Variants in KIAA1328 observed in about 807,000 individuals in gnomAD.
The protein encoded by KIAA1328 is protein hinderin.
Under a neutral mutation model 68.1 loss-of-function variants are expected in KIAA1328, and 52 were observed. The ratio of observed to expected loss-of-function variants is 0.76; its 90% confidence interval spans 0.61 to 0.96. The LOEUF is 0.96. KIAA1328 is among the 40% of genes least tolerant of loss of function. The pLI is 0.00. For synonymous variants in KIAA1328, 232 were observed against 239.4 expected (o/e 0.97, Z 0.28); for missense variants, 641 against 677.6 (o/e 0.95, Z 0.60).
intron 7 of KIAA1328, among the ~76,000 whole-genome samples, chr18:37,108,047 A>G (rs2057823515): frequency 6.6e-6 from 1 of 152,132 alleles, no homozygotes; most frequent in South Asian, 2.1e-4. Context: ...GAAATAAATC[A>G]TCCTGCCAAA....
At chr18:37,168,199 T>G (rs1404580465) in intron 8 of KIAA1328, among the ~76,000 whole-genome samples, 2 of 152,228 alleles carry the variant, frequency 1.3e-5, no homozygotes, top group African/African-American at 2.4e-5. Flanking sequence ...AGGAAATTGT[T>G]TGTTGACTCT....
chr18:37,009,715 T>C (rs1348702135), intron 6 of KIAA1328, among the ~76,000 whole-genome samples: 2 of 152,164 alleles, frequency 1.3e-5, no homozygotes, highest in Admixed American at 6.5e-5. Flanking sequence ...ATGTTGGAGA[T>C]TGAGCAACGA....
chr18:37,192,145 TTGTGTGTG>T (rs10667132), intron 9 of KIAA1328, among the ~76,000 whole-genome samples: 2 of 144,642 alleles, frequency 1.4e-5, no homozygotes, highest in African/African-American at 5.1e-5. Context: ...AGTCAAGAAA[TTGTGTGTG>T]TGTGTGTGTG....
chr18:36,871,215 T>G (rs1383472559), intron 4 of KIAA1328, among the ~76,000 whole-genome samples: 1 of 152,192 alleles, frequency 6.6e-6, no homozygotes, highest in Non-Finnish European at 1.5e-5. Context: ...CAGCCTAATA[T>G]CTGTTAGAGT....
chr18:37,028,555 T>G (rs2054690715), intron 6 of KIAA1328, among the ~76,000 whole-genome samples: 1 of 151,992 alleles, frequency 6.6e-6, no homozygotes, highest in Admixed American at 6.6e-5. Context: ...GTGCTTCCAC[T>G]ACTGTGTCAA....
chr18:37,083,647 C>G (rs964022717), intron 7 of KIAA1328, among the ~76,000 whole-genome samples: 11 of 152,142 alleles, frequency 7.2e-5, no homozygotes, highest in Non-Finnish European at 1.5e-4. Context: ...TCATCTTTGA[C>G]TCAGGGAAAA....
At chr18:37,137,990 C>G (rs1392207880) in intron 7 of KIAA1328, among the ~76,000 whole-genome samples, 1 of 152,066 alleles carries the variant, frequency 6.6e-6, no homozygotes, top group Non-Finnish European at 1.5e-5. Flanking sequence ...TACTTTTTCT[C>G]TATAATTCTC....
intron 4 of KIAA1328, among the ~76,000 whole-genome samples, chr18:36,867,050 A>T (rs1227656482): frequency 1.3e-5 from 2 of 152,174 alleles, no homozygotes; most frequent in Non-Finnish European, 2.9e-5. Flanking sequence ...ATAACATGTG[A>T]TATAGTTTGG....
chr18:37,001,019 G>T (rs1361168717), intron 6 of KIAA1328, among the ~76,000 whole-genome samples: 1 of 151,786 alleles, frequency 6.6e-6, no homozygotes, highest in Non-Finnish European at 1.5e-5. Flanking sequence ...AAAATTAACA[G>T]AAAAGATATA....
At chr18:37,031,378 A>C (rs961216165) in intron 6 of KIAA1328, among the ~76,000 whole-genome samples, 3 of 152,150 alleles carry the variant, frequency 2.0e-5, no homozygotes, top group African/African-American at 7.2e-5. Context: ...ATTATTATAT[A>C]GTCTTGGTGC....
intron 4 of KIAA1328, among the ~76,000 whole-genome samples, chr18:36,859,102 T>A (rs2047474464): frequency 6.6e-6 from 1 of 152,164 alleles, no homozygotes. Context: ...TTGAATCTTT[T>A]GTGTGTTTAT....
At chr18:36,981,562 T>C (rs1472311073) in intron 6 of KIAA1328, among the ~76,000 whole-genome samples, 1 of 152,082 alleles carries the variant, frequency 6.6e-6, no homozygotes, top group Non-Finnish European at 1.5e-5. Flanking sequence ...TAGTACCATA[T>C]AGATACCAAA....
intron 8 of KIAA1328, among the ~76,000 whole-genome samples, chr18:37,163,752 G>T (rs1216838583): frequency 6.6e-6 from 1 of 152,094 alleles, no homozygotes; most frequent in Non-Finnish European, 1.5e-5. Flanking sequence ...TTTCTATCTT[G>T]CCTCTAAGGA....
chr18:37,140,435 G>A (rs1237679031), intron 7 of KIAA1328, among the ~76,000 whole-genome samples: 1 of 151,988 alleles, frequency 6.6e-6, no homozygotes, highest in Non-Finnish European at 1.5e-5. Context: ...TTTAAAATTT[G>A]CCATTAAAGC....
chr18:36,883,685 T>G (rs1318969511), intron 4 of KIAA1328, among the ~76,000 whole-genome samples: 3 of 152,168 alleles, frequency 2.0e-5, no homozygotes, highest in Non-Finnish European at 4.4e-5. Context: ...CCAAGCAGTT[T>G]AGATAAGGGC....
chr18:37,131,952 G>A (rs1399375799), intron 7 of KIAA1328, among the ~76,000 whole-genome samples: 2 of 152,038 alleles, frequency 1.3e-5, no homozygotes, highest in Non-Finnish European at 1.5e-5. Flanking sequence ...GCTCAAAGCT[G>A]GCTGCTCTAT....
At chr18:37,110,091 C>A (rs1287557411) in intron 7 of KIAA1328, among the ~76,000 whole-genome samples, 1 of 150,094 alleles carries the variant, frequency 6.7e-6, no homozygotes. Context: ...ACATTTTTTT[C>A]GAGGCTCCAA....
intron 9 of KIAA1328, among the ~76,000 whole-genome samples, chr18:37,220,241 C>T (rs1271330741): frequency 2.0e-5 from 3 of 152,158 alleles, no homozygotes; most frequent in African/African-American, 4.8e-5. Flanking sequence ...AATGTTTTCT[C>T]TAGCATGTTC....
chr18:36,855,337 A>G (rs2047348057), intron 4 of KIAA1328, among the ~76,000 whole-genome samples: 1 of 152,130 alleles, frequency 6.6e-6, no homozygotes, highest in African/African-American at 2.4e-5. Context: ...CACTTATTAT[A>G]TTATAGCTAT....
Sources: allele counts gnomAD v4.1 joint callset (sites outside exome capture counted in the v4.1 genomes callset), GRCh38; gene constraint gnomAD v4.1.1; transcripts MANE v1.5; gene names NCBI Gene and HGNC (gene_info 2026-07-23, HGNC 2026-07-21).